The following RCAN2 variants were observed in gnomAD, a reference collection of about 807,000 sequenced individuals.
The protein encoded by RCAN2 is calcipressin-2.
A neutral mutation model predicts 23.6 loss-of-function variants in RCAN2; 9 were observed. That is an observed-to-expected ratio of 0.38 (90% CI 0.23 to 0.67). RCAN2 has a LOEUF of 0.67. Among genes scored for constraint, RCAN2 ranks in the 30% least tolerant of loss-of-function variants. The probability of loss-of-function intolerance (pLI) is 0.51; values close to 1 mark genes in which losing one functional copy is unlikely to be tolerated. For missense variants in RCAN2, 273 were observed against 302.3 expected (o/e 0.90, Z 0.72); for synonymous variants, 109 against 115.7 (o/e 0.94, Z 0.37).
At chr6:46,336,116 G>T (rs1423194089) in intron 2 of RCAN2, among the ~76,000 whole-genome samples, 1 of 152,196 alleles carries the variant, frequency 6.6e-6, no homozygotes, top group Non-Finnish European at 1.5e-5. Context: ...ACTTTGGAAA[G>T]AATTACAGTG....
intron 4 of RCAN2, among the ~76,000 whole-genome samples, chr6:46,239,704 G>A (rs1473863761): frequency 6.6e-6 from 1 of 152,164 alleles, no homozygotes; most frequent in East Asian, 1.9e-4. Context: ...GTGAGCAAGA[G>A]AGCAAGGGAA....
At chr6:46,291,714 G>T (rs1762568065) in intron 2 of RCAN2, among the ~76,000 whole-genome samples, 1 of 150,994 alleles carries the variant, frequency 6.6e-6, no homozygotes, top group Non-Finnish European at 1.5e-5. Context: ...AACATTCTGT[G>T]ATTCTGCAGC....
At chr6:46,313,400 C>T (rs190212039) in intron 2 of RCAN2, among the ~76,000 whole-genome samples, 1 of 152,334 alleles carries the variant, frequency 6.6e-6, no homozygotes, top group Admixed American at 6.5e-5. Flanking sequence ...CTGAGTGCTC[C>T]ATCACATTTC....
chr6:46,460,056 G>T (rs1407340508), intron 1 of RCAN2, among the ~76,000 whole-genome samples: 3 of 148,098 alleles, frequency 2.0e-5, no homozygotes, highest in Non-Finnish European at 4.5e-5. Context: ...CTCTGTTGTT[G>T]TTTTTTTTTT....
At chr6:46,227,147 A>G (rs1015237864) in intron 4 of RCAN2, among the ~76,000 whole-genome samples, 2 of 152,190 alleles carry the variant, frequency 1.3e-5, no homozygotes, top group Non-Finnish European at 2.9e-5. Context: ...CCACTTGATC[A>G]TGGTGGATAA....
At chr6:46,312,613 G>C (rs1402005176) in intron 2 of RCAN2, among the ~76,000 whole-genome samples, 1 of 152,176 alleles carries the variant, frequency 6.6e-6, no homozygotes, top group African/African-American at 2.4e-5. Flanking sequence ...AAATATGCCT[G>C]TCTCCCCAGA....
intron 2 of RCAN2, among the ~76,000 whole-genome samples, chr6:46,287,468 C>T (rs78911319): frequency 1.5e-4 from 23 of 152,200 alleles, no homozygotes; most frequent in Admixed American, 1.5e-3. Context: ...TGCTACCCCC[C>T]ACTTCCCAAA....
chr6:46,376,116 A>G (rs1278262811), intron 2 of RCAN2, among the ~76,000 whole-genome samples: 1 of 152,178 alleles, frequency 6.6e-6, no homozygotes, highest in African/African-American at 2.4e-5. Context: ...ATTCCAGACA[A>G]GGTACACAAC....
chr6:46,472,961 T>C (rs1768610761), intron 1 of RCAN2, among the ~76,000 whole-genome samples: 1 of 152,134 alleles, frequency 6.6e-6, no homozygotes, highest in African/African-American at 2.4e-5. Context: ...CGAGAAAAAG[T>C]CCCTTCATGG....
chr6:46,386,758 G>A (rs937643705), intron 2 of RCAN2, among the ~76,000 whole-genome samples: 1 of 151,906 alleles, frequency 6.6e-6, no homozygotes, highest in African/African-American at 2.4e-5. Context: ...CTATTTTAAA[G>A]TTCATATGGA....
chr6:46,416,411 A>G (rs1033503077), intron 2 of RCAN2, among the ~76,000 whole-genome samples: 2 of 150,130 alleles, frequency 1.3e-5, no homozygotes, highest in African/African-American at 2.5e-5. Context: ...AACATCCTTT[A>G]AAGTTTCATT....
At chr6:46,325,857 G>A (rs564718261) in intron 2 of RCAN2, 1 of 985,218 alleles carries the variant, frequency 1.0e-6, no homozygotes, top group Admixed American at 6.1e-5. Flanking sequence ...CTGAGTCATA[G>A]CTGTTGTTGC....
chr6:46,353,446 C>A (rs547529579), intron 2 of RCAN2, among the ~76,000 whole-genome samples: 1 of 152,262 alleles, frequency 6.6e-6, no homozygotes, highest in South Asian at 2.1e-4. Flanking sequence ...AGATCCTGCA[C>A]AGACAATCCT....
chr6:46,294,691 T>C (rs1045004170), intron 2 of RCAN2, among the ~76,000 whole-genome samples: 35 of 152,136 alleles, frequency 2.3e-4, no homozygotes, highest in African/African-American at 8.2e-4. Context: ...AAGTGATATA[T>C]GGAGCATGAT....
rs1381464647 is a variant in RCAN2, at chr6:46,385,852, C to T, written c.225+70900G>A. Among the ~76,000 whole-genome samples the T allele has an allele frequency of 1.6e-3, 162 of 100,760 alleles. 1 individual carries two copies. Among genetic ancestry groups the T allele is most frequent in the African/African-American group, 6.1e-3 (153 of 25,164 alleles). 66.1% of individuals were successfully genotyped at this position (100,760 alleles called of 152,430 possible). ...AGCCTGGGCAGCAAAACAAGACTCT[C>T]TCTCTCTCAAAAAAAAAAAAAAAAA... is the stretch of plus-strand genomic sequence containing the variant. On this transcript the variant is annotated intron_variant, in intron 2 of 4. Coordinates refer to ENST00000371374, the MANE Select transcript of RCAN2 (RefSeq NM_001251974.2).
Position 46,323,254 on chromosome 6 carries a change from A to G in RCAN2, c.226-74358T>C, listed in dbSNP as rs181195041. 2.6e-5 allele frequency among the ~76,000 whole-genome samples: 4 copies of G among 152,318 alleles called. No individual in the cohort carries two copies. In the East Asian group the frequency reaches 7.7e-4, roughly 29 times the overall value. On this transcript the variant is annotated intron_variant, in intron 2 of 4. Transcript: ENST00000371374. ...ATAGCTAACATTTATTGAGCATTAA[A>G]TAGGAGTCAGGCACTGTGTTAATTA... is the stretch of plus-strand genomic sequence containing the variant.
At chr6:46,455,512 A>G (rs890320426) in intron 2 of RCAN2, among the ~76,000 whole-genome samples, 1 of 152,090 alleles carries the variant, frequency 6.6e-6, no homozygotes, top group African/African-American at 2.4e-5. Context: ...AACAGCAACC[A>G]TAAAGCCTAC....
intron 2 of RCAN2, among the ~76,000 whole-genome samples, chr6:46,269,354 G>A (rs1012632815): frequency 3.3e-5 from 5 of 152,180 alleles, no homozygotes; most frequent in African/African-American, 1.2e-4. Flanking sequence ...TGCCAGCACA[G>A]GGACGCTTAT....
At chr6:46,449,693 C>T (rs534367012) in intron 2 of RCAN2, among the ~76,000 whole-genome samples, 17 of 151,692 alleles carry the variant, frequency 1.1e-4, no homozygotes, top group African/African-American at 3.6e-4. Flanking sequence ...ATTGATTTTC[C>T]ACAAAGGTGC....
Sources: gnomAD v4.1 joint callset for allele counts (sites outside exome capture counted in the v4.1 genomes callset) on GRCh38, gnomAD v4.1.1 for gene constraint, MANE v1.5 for transcripts, NCBI Gene and HGNC (gene_info 2026-07-23, HGNC 2026-07-21) for gene names.